The following HNRNPLL variants were observed in gnomAD, a reference collection of about 807,000 sequenced individuals.
HNRNPLL encodes the protein heterogeneous nuclear ribonucleoprotein L-like.
In HNRNPLL, 25 loss-of-function variants were observed where a neutral mutation model predicts 67.1. The observed-to-expected ratio is 0.37, with a 90% confidence interval of 0.27 to 0.52. The LOEUF is 0.52. HNRNPLL is among the 20% of genes least tolerant of loss of function. The probability of loss-of-function intolerance (pLI) is 0.90; values close to 1 mark genes in which losing one functional copy is unlikely to be tolerated. For synonymous variants in HNRNPLL, 267 were observed against 241.7 expected (o/e 1.10, Z -0.97); for missense variants, 542 against 673.9 (o/e 0.80, Z 2.17).
At chr2:38,572,815 A>T (rs748673138) in intron 8 of HNRNPLL, among the ~76,000 whole-genome samples, 21 of 151,996 alleles carry the variant, frequency 1.4e-4, no homozygotes, top group Non-Finnish European at 2.4e-4. Flanking sequence ...TCTGAAATTC[A>T]CAACTTCTGG....
intron 2 of HNRNPLL, among the ~76,000 whole-genome samples, chr2:38,589,766 A>G (rs141403909): frequency 6.6e-6 from 1 of 152,160 alleles, no homozygotes; most frequent in Non-Finnish European, 1.5e-5. Context: ...TTAACATCAA[A>G]ATAGTCACTG....
chr2:38,579,235 T>C (rs531675232), intron 6 of HNRNPLL, among the ~76,000 whole-genome samples: 2 of 152,164 alleles, frequency 1.3e-5, no homozygotes, highest in South Asian at 2.1e-4. Flanking sequence ...TTTTCATTCA[T>C]AAATGAAGGA....
intron 1 of HNRNPLL, among the ~76,000 whole-genome samples, chr2:38,592,479 A>G (rs1343415277): frequency 6.6e-6 from 1 of 152,254 alleles, no homozygotes; most frequent in Non-Finnish European, 1.5e-5. Flanking sequence ...CATTAAACAC[A>G]TGACAACTTA....
intron 10 of HNRNPLL, among the ~76,000 whole-genome samples, 171 bp downstream of exon 10, chr2:38,568,962 G>C (rs1211648689): frequency 6.6e-6 from 1 of 152,154 alleles, no homozygotes; most frequent in East Asian, 1.9e-4. Context: ...ATGAGGAATG[G>C]AGGCCAGAAA....
At chr2:38,570,760 C>T (rs1486027538) in intron 8 of HNRNPLL, among the ~76,000 whole-genome samples, 1 of 152,026 alleles carries the variant, frequency 6.6e-6, no homozygotes, top group Non-Finnish European at 1.5e-5. Flanking sequence ...TGCAGACAAT[C>T]CCTGGTGCAG....
At chr2:38,567,675 C>T (rs1359505109) in intron 12 of HNRNPLL, among the ~76,000 whole-genome samples, 2 of 152,124 alleles carry the variant, frequency 1.3e-5, no homozygotes, top group African/African-American at 4.8e-5. Flanking sequence ...ACTGTTTGGT[C>T]TCTGTGACCA....
Position 38,569,162 on chromosome 2 carries a change from A to G in HNRNPLL, c.1387T>C (p.Leu463=), listed in dbSNP as rs143560322. Residue 463 remains leucine, a synonymous_variant, in exon 10 of 13, where the codon TTG becomes CTG. Coordinates refer to ENST00000449105, the MANE Select transcript of HNRNPLL (RefSeq NM_138394.4). ...SCVLHYYNVP[L]CVTEETFTKL... is the part of the protein sequence containing the mutation. ...GTGAAGGTCTCTTCTGTGACACACA[A>G]TGGAACATTATAATAATGCAAAACA... 2.6e-4 allele frequency: 412 copies of G among 1,612,004 alleles called. No homozygotes were observed. Among genetic ancestry groups the G allele is most frequent in the African/African-American group, 4.0e-4 (30 of 74,846 alleles).
intron 1 of HNRNPLL, among the ~76,000 whole-genome samples, chr2:38,601,097 A>G (rs1021155732): frequency 2.0e-5 from 3 of 152,120 alleles, no homozygotes; most frequent in African/African-American, 7.3e-5. Context: ...CTTTGAACTG[A>G]AACTTCCTAA....
chr2:38,602,817 C>T lies in HNRNPLL; in HGVS notation c.-191G>A. On this transcript the variant is annotated 5_prime_UTR_variant, in exon 1 of 13. Transcript: ENST00000449105. ...AGCGCGGACGGACTGAGGGGGGCGC[C>T]CCGGGAGGAAGCTCTGGAGCGGCCG... 6.5e-7 allele frequency: 1 copy of T among 1,545,784 alleles called. No individual in the cohort carries two copies.
intron 2 of HNRNPLL, among the ~76,000 whole-genome samples, 161 bp downstream of exon 2, chr2:38,591,369 T>A (rs556921489): frequency 6.6e-6 from 1 of 152,312 alleles, no homozygotes; most frequent in South Asian, 2.1e-4. Flanking sequence ...ATAGTAGGCT[T>A]AAAACGTTCC....
At chr2:38,579,792 G>C (rs772664696) in intron 6 of HNRNPLL, among the ~76,000 whole-genome samples, 20 of 151,934 alleles carry the variant, frequency 1.3e-4, no homozygotes, top group Non-Finnish European at 2.1e-4. Context: ...TTTGGGGATA[G>C]CAACCTAACA....
intron 1 of HNRNPLL, among the ~76,000 whole-genome samples, chr2:38,592,337 A>G (rs1432791338): frequency 6.6e-6 from 1 of 152,150 alleles, no homozygotes; most frequent in African/African-American, 2.4e-5. Flanking sequence ...CCAATCAAAA[A>G]TTTTTCCTCA....
In HNRNPLL at chr2:38,571,765, T is replaced by C. The variant is rs950483458; in HGVS notation, c.1092+1445A>G. 2.0e-5 allele frequency among the ~76,000 whole-genome samples: 3 copies of C among 152,164 alleles called. No homozygotes were observed. In the East Asian group the frequency reaches 5.8e-4, roughly 29 times the overall value. ...ATGGATCTTTAAAGGATTATGATAG[T>C]CTGAGTTCAACGTATCATAGCTTAT... On this transcript the variant is annotated intron_variant, in intron 8 of 12. Coordinates refer to ENST00000449105, the MANE Select transcript of HNRNPLL (RefSeq NM_138394.4).
At position 38,602,733 on chromosome 2, in the gene HNRNPLL, G is replaced by A; in HGVS notation, c.-107C>T. ...GCCGCCGGCAGCGCCTCTTCTGCGA[G>A]GGTCTCCGCGGCCCGGCCGTCCGCG... On this transcript the variant is annotated 5_prime_UTR_variant, in exon 1 of 13. Transcript: ENST00000449105. The A allele has an allele frequency of 6.7e-7, 1 of 1,486,810 alleles. No homozygotes were observed. The highest frequency in any genetic ancestry group is 1.3e-5 in the South Asian group (1 of 76,728). The allele number at this position is 1,486,810 out of a possible 1,614,324, so 92.1% of individuals were successfully genotyped here.
In HNRNPLL at chr2:38,602,905, G is replaced by C. The variant is rs749653219; in HGVS notation, c.-279C>G. On this transcript the variant is annotated 5_prime_UTR_variant, in exon 1 of 13. Transcript: ENST00000449105. The stretch of plus-strand genomic sequence containing the variant: ...TCCTCCTCCTCCGTCTCCGCTCCCT[G>C]CCCGGAGGAGCGAATCTAAGGATGG... The C allele has an allele frequency of 6.5e-7, 1 of 1,532,592 alleles. No homozygotes were observed. The highest frequency in any genetic ancestry group is 2.0e-5 in the Admixed American group (1 of 50,856). The allele number at this position is 1,532,592 out of a possible 1,614,324, so 94.9% of individuals were successfully genotyped here.
At chr2:38,576,883 G>A (rs1044354508) in intron 7 of HNRNPLL, among the ~76,000 whole-genome samples, 6 of 151,758 alleles carry the variant, frequency 4.0e-5, no homozygotes, top group Non-Finnish European at 7.4e-5. Flanking sequence ...GATACCTAAC[G>A]TTACCTAATT....
At chr2:38,569,407 A>G (rs1339729850) in intron 9 of HNRNPLL, 73 bp from the exon 10 acceptor site, 1 of 1,078,984 alleles carries the variant, frequency 9.3e-7, no homozygotes, top group African/African-American at 1.6e-5. Context: ...TCAGAATGCT[A>G]ATATATTTTG....
intron 3 of HNRNPLL, among the ~76,000 whole-genome samples, chr2:38,584,924 T>C (rs1156906628): frequency 1.3e-5 from 2 of 151,928 alleles, no homozygotes; most frequent in African/African-American, 2.4e-5. Flanking sequence ...TATATTACTA[T>C]ATATTAATAA....
chr2:38,602,140 C>T (rs1490048043), intron 1 of HNRNPLL: 2 of 434,526 alleles, frequency 4.6e-6, no homozygotes, highest in African/African-American at 4.2e-5. Flanking sequence ...CGCGAAACCC[C>T]CCAGAGCGGA....
Sources: gnomAD v4.1 joint callset for allele counts (sites outside exome capture counted in the v4.1 genomes callset) on GRCh38, gnomAD v4.1.1 for gene constraint, MANE v1.5 for transcripts, NCBI Gene and HGNC (gene_info 2026-07-23, HGNC 2026-07-21) for gene names.